The following MRTFB variants were observed in gnomAD, a reference collection of about 807,000 sequenced individuals.
MRTFB encodes the protein myocardin-related transcription factor B.
A neutral mutation model predicts 104.2 loss-of-function variants in MRTFB; 29 were observed. That is an observed-to-expected ratio of 0.28 (90% CI 0.21 to 0.38). MRTFB has a LOEUF of 0.38. Among genes scored for constraint, MRTFB ranks in the 10% least tolerant of loss-of-function variants. The pLI, the probability that MRTFB is intolerant of heterozygous loss-of-function variation, is 1.00. For missense variants in MRTFB, 1,270 were observed against 1,341.6 expected, an observed-to-expected ratio of 0.95 and a Z score of 0.83; for synonymous variants, 535 against 519.5, an observed-to-expected ratio of 1.03 and a Z score of -0.41.
chr16:14,140,840 T>G, intron 3 of MRTFB, 80 bp downstream of exon 3: 1 of 1,569,802 alleles, frequency 6.4e-7, no homozygotes, highest in Non-Finnish European at 8.7e-7. Flanking sequence ...TGTTTGGTAG[T>G]AATATTTTGG....
chr16:14,263,060 CAA>C lies in MRTFB; in HGVS notation c.*1619_*1620del, dbSNP rs1057267256. 14 of 152,524 alleles carry C rather than the reference CAA, an allele frequency of 9.2e-5. No homozygotes were observed. The highest frequency in any genetic ancestry group is 2.9e-4 in the African/African-American group (12 of 41,590). The allele number at this position is 152,524 out of a possible 1,614,324, so 9.4% of individuals were successfully genotyped here. A position where few individuals can be genotyped will look rare whatever the true frequency, so the allele number is the denominator to read the frequency against. On this transcript the variant is annotated 3_prime_UTR_variant, in exon 17 of 17. Coordinates refer to ENST00000571589, the MANE Select transcript of MRTFB (RefSeq NM_001308142.2). Reference sequence around the variant, plus strand: ...GGTTTATAAATTTTACTACGTGTAACAAAAGTCTGCTTTTCCAGCATGAGCAC... The same window carrying C: ...GGTTTATAAATTTTACTACGTGTAACAAGTCTGCTTTTCCAGCATGAGCAC...
intron 3 of MRTFB, among the ~76,000 whole-genome samples, chr16:14,145,695 A>G (rs2038276583): frequency 6.6e-6 from 1 of 152,226 alleles, no homozygotes; most frequent in African/African-American, 2.4e-5. Flanking sequence ...CACATGCATA[A>G]TCTACCTTTA....
chr16:14,064,957 G>A, the MRTFB span, among the ~76,000 whole-genome samples: 3 of 152,034 alleles, frequency 2.0e-5, no homozygotes, highest in Admixed American at 6.6e-5. Flanking sequence ...TTTTGGTTCC[G>A]TGTGAATTTT....
intron 2 of MRTFB, among the ~76,000 whole-genome samples, chr16:14,129,997 T>G (rs2037357465): frequency 6.6e-6 from 1 of 151,978 alleles, no homozygotes; most frequent in African/African-American, 2.4e-5. Context: ...GCCAGCTAAT[T>G]TTTTTGTATT....
intron 11 of MRTFB, among the ~76,000 whole-genome samples, chr16:14,245,918 T>C (rs947753617): frequency 5.3e-5 from 8 of 152,224 alleles, no homozygotes; most frequent in Non-Finnish European, 1.2e-4. Context: ...TGTGATTTTT[T>C]TCTTCCCTGC....
chr16:14,218,094 C>G (rs968447777), intron 7 of MRTFB, among the ~76,000 whole-genome samples: 1 of 152,156 alleles, frequency 6.6e-6, no homozygotes, highest in African/African-American at 2.4e-5. Flanking sequence ...GAGTCTGGCT[C>G]TGTCTCCCAG....
rs992725707 is a variant in MRTFB, at chr16:14,218,696, G to T, written c.515-124G>T. 5.4e-6 allele frequency: 5 copies of T among 918,142 alleles called. No individual in the cohort carries two copies. The East Asian group carries it at 1.3e-4, about 24-fold the overall frequency. 56.9% of individuals were successfully genotyped at this position (918,142 alleles called of 1,614,324 possible). On this transcript the variant is annotated intron_variant, in intron 7 of 16. Coordinates refer to ENST00000571589, the MANE Select transcript of MRTFB (RefSeq NM_001308142.2). Reference sequence around the variant, plus strand: ...GTGTTCTTGCACTGGGAGGTACATTGTGTTCAATTTTTTTTTTAAGCAGCT... The same window carrying T: ...GTGTTCTTGCACTGGGAGGTACATTTTGTTCAATTTTTTTTTTAAGCAGCT...
At chr16:14,231,755 C>G (rs973412104) in intron 8 of MRTFB, among the ~76,000 whole-genome samples, 1 of 152,206 alleles carries the variant, frequency 6.6e-6, no homozygotes, top group African/African-American at 2.4e-5. Flanking sequence ...GATTCTTCTG[C>G]TAACTTTAGC....
intron 2 of MRTFB, among the ~76,000 whole-genome samples, chr16:14,134,212 G>A (rs2142475763): frequency 6.6e-6 from 1 of 152,226 alleles, no homozygotes; most frequent in East Asian, 1.9e-4. Context: ...TTCCAGCACA[G>A]GAATGTTATA....
At chr16:14,143,737 A>G (rs1277609806) in intron 3 of MRTFB, 2 of 151,990 alleles carry the variant, frequency 1.3e-5, no homozygotes, top group African/African-American at 4.8e-5. Flanking sequence ...TCTTAGTTGT[A>G]TACTCATAAT....
rs148284301 is a variant in MRTFB at position 14,249,045 on chromosome 16, G to A, written c.2367G>A (p.Pro789=). Reference sequence around the variant, plus strand: ...TACCTCAGACACAAGACACGTTCCCGCAGCATGTGCTCAGTCAGCCTCAAC... The same window carrying A: ...TACCTCAGACACAAGACACGTTCCCACAGCATGTGCTCAGTCAGCCTCAAC... ...PTVPQTQDTF[P]QHVLSQPQQV... Residue 789 remains proline, a synonymous_variant, in exon 13 of 17, where the codon CCG becomes CCA. Transcript: ENST00000571589. The A allele has an allele frequency of 9.0e-5, 146 of 1,614,036 alleles. No homozygotes were observed. The African/African-American group carries it at 1.6e-3, about 17-fold the overall frequency.
chr16:14,226,453 T>C (rs2042005123), intron 8 of MRTFB, among the ~76,000 whole-genome samples: 1 of 152,082 alleles, frequency 6.6e-6, no homozygotes, highest in Non-Finnish European at 1.5e-5. Context: ...CGTCAACAAA[T>C]GGTACTGGGA....
At chr16:14,069,250 C>T (rs1428156694), upstream of MRTFB, among the ~76,000 whole-genome samples, 1 of 152,100 alleles carries the variant, frequency 6.6e-6, no homozygotes, top group Non-Finnish European at 1.5e-5. Context: ...GGATTACAGG[C>T]ATGAGCCACT....
chr16:14,243,376 T>C (rs2042863901), intron 10 of MRTFB, among the ~76,000 whole-genome samples: 1 of 152,240 alleles, frequency 6.6e-6, no homozygotes, highest in African/African-American at 2.4e-5. Flanking sequence ...CACCCAACTA[T>C]GGCTGTCACC....
At chr16:14,030,698 G>A in the MRTFB span, among the ~76,000 whole-genome samples, 2 of 152,178 alleles carry the variant, frequency 1.3e-5, no homozygotes, top group East Asian at 3.8e-4. Flanking sequence ...AACTCATTGA[G>A]TAAGTCACCC....
At chr16:14,118,808 G>T (rs1397551873) in intron 2 of MRTFB, among the ~76,000 whole-genome samples, 1 of 151,504 alleles carries the variant, frequency 6.6e-6, no homozygotes, top group Non-Finnish European at 1.5e-5. Context: ...ACTACATTTG[G>T]TTTGAAGATT....
At chr16:14,201,682 G>A (rs148991797) in intron 3 of MRTFB, among the ~76,000 whole-genome samples, 191 of 152,294 alleles carry the variant, frequency 1.3e-3, no homozygotes, top group African/African-American at 4.2e-3. Flanking sequence ...TAGCTAGATT[G>A]AAAGCTCTTC....
intron 9 of MRTFB, among the ~76,000 whole-genome samples, chr16:14,238,427 C>T (rs1036099984): frequency 1.3e-5 from 2 of 152,070 alleles, no homozygotes; most frequent in Non-Finnish European, 2.9e-5. Flanking sequence ...TTGTAGGTCT[C>T]AGTGGCATCA....
chr16:14,215,582 G>T (rs1313286357), intron 6 of MRTFB, among the ~76,000 whole-genome samples: 1 of 152,214 alleles, frequency 6.6e-6, no homozygotes, highest in South Asian at 2.1e-4. Context: ...AGAGGAGAAA[G>T]ACAGAAGTCT....
Sources: allele counts gnomAD v4.1 joint callset (sites outside exome capture counted in the v4.1 genomes callset), GRCh38; gene constraint gnomAD v4.1.1; transcripts MANE v1.5; gene names NCBI Gene and HGNC (gene_info 2026-07-23, HGNC 2026-07-21).